Variants in COL22A1 observed in about 807,000 individuals in gnomAD.
COL22A1 encodes the protein collagen type XXII alpha 1 chain.
A neutral mutation model predicts 248.9 loss-of-function variants in COL22A1; 221 were observed. The observed-to-expected ratio is 0.89, with a 90% CI of 0.80 to 0.99. The LOEUF is 0.99. Ranked by LOEUF, COL22A1 falls within the 50% of genes least tolerant of loss-of-function variation. The pLI is 0.00. For missense variants in COL22A1, 2,240 were observed against 2,179.0 expected (o/e 1.03, Z -0.56); for synonymous variants, 891 against 793.4 (o/e 1.12, Z -2.07).
intron 12 of COL22A1, 56 bp downstream of exon 12, chr8:138,796,759 CCAAA>C: frequency 8.5e-7 from 1 of 1,176,534 alleles, no homozygotes; most frequent in Non-Finnish European, 1.3e-6. Flanking sequence ...CACACCTCCC[CCAAA>C]CCTAAGTCCT....
At chr8:138,623,443 A>G in intron 52 of COL22A1, among the ~76,000 whole-genome samples, 1 of 151,990 alleles carries the variant, frequency 6.6e-6, no homozygotes, top group East Asian at 1.9e-4. Context: ...TACAGGGGGC[A>G]GTAAACCAAA....
At chr8:138,630,015 G>T (rs992692428) in intron 50 of COL22A1, among the ~76,000 whole-genome samples, 17 of 152,154 alleles carry the variant, frequency 1.1e-4, no homozygotes, top group African/African-American at 2.9e-4. Context: ...GGGAGGAGCT[G>T]TCAGATGGAG....
At position 138,692,398 on chromosome 8, in the gene COL22A1, CAT is replaced by C. The variant is rs1355480411; in HGVS notation, c.2754+1246_2754+1247del. On this transcript the variant is annotated intron_variant, in intron 35 of 64. Transcript: ENST00000303045. ...GACATGTGTATTGTGCACGTATGTA[CAT>C]GTGTGTGTATGTGTGTGTGCACGTA... Among the ~76,000 whole-genome samples the C allele has an allele frequency of 1.9e-3, 251 of 134,654 alleles. 6 individuals are homozygous for C. The highest frequency in any genetic ancestry group is 6.7e-3 in the African/African-American group (234 of 34,836). 88.3% of individuals were successfully genotyped at this position (134,654 alleles called of 152,430 possible). A position where few individuals can be genotyped will look rare whatever the true frequency, so the allele number is the denominator to read the frequency against.
chr8:138,769,463 C>A (rs867628295), intron 16 of COL22A1, among the ~76,000 whole-genome samples: 3 of 152,162 alleles, frequency 2.0e-5, no homozygotes, highest in South Asian at 2.1e-4. Context: ...TGAGAGCCAC[C>A]CTGGCTGCCC....
chr8:138,879,837 T>TAAAACAAAACAAAACAAAACAAAAC (rs146542704), intron 2 of COL22A1, among the ~76,000 whole-genome samples: 7 of 149,928 alleles, frequency 4.7e-5, no homozygotes, highest in African/African-American at 1.7e-4. Flanking sequence ...CATTTGGCTA[T>TAAAACAAAACAAAACAAAACAAAAC]AAAACAAAAC....
rs746077831 is a variant in COL22A1, at chr8:138,589,368, G to A, written c.4766C>T (p.Pro1589Leu). The stretch of plus-strand genomic sequence containing the variant: ...TCCTGGGAGGCCAGGATGTCCAGCT[G>A]GTCCTGTCTCCCCTTGAGGGCCAGG... ...GIPGPQGETGPAGHPGLPGPP... is the reference protein window; with the variant it reads ...GIPGPQGETGLAGHPGLPGPP... Residue 1589 changes from proline (P) to leucine (L), a missense_variant, in exon 65 of 65, where the codon CCA becomes CTA. Pro to Leu is a moderately conservative substitution (Grantham distance 98). Transcript: ENST00000303045. The A allele has an allele frequency of 6.2e-7, 1 of 1,609,932 alleles. No individual in the cohort carries two copies. Among genetic ancestry groups the A allele is most frequent in the South Asian group, 1.1e-5 (1 of 90,634 alleles).
intron 2 of COL22A1, among the ~76,000 whole-genome samples, chr8:138,880,362 GTGTA>G: frequency 6.6e-6 from 1 of 152,206 alleles, no homozygotes; most frequent in East Asian, 1.9e-4. Context: ...ACGCGCGATT[GTGTA>G]TGTATGTATG....
intron 1 of COL22A1, among the ~76,000 whole-genome samples, chr8:138,892,341 C>T (rs888781733): frequency 6.6e-6 from 1 of 152,184 alleles, no homozygotes; most frequent in African/African-American, 2.4e-5. Context: ...TTTCCTCAAC[C>T]ATTAGAAAGG....
chr8:138,856,825 A>C (rs1822067057), intron 3 of COL22A1, among the ~76,000 whole-genome samples: 1 of 152,162 alleles, frequency 6.6e-6, no homozygotes, highest in African/African-American at 2.4e-5. Context: ...GCATACTGCC[A>C]GTGACACATT....
At chr8:138,648,051 A>C (rs920775973) in intron 46 of COL22A1, among the ~76,000 whole-genome samples, 4 of 152,256 alleles carry the variant, frequency 2.6e-5, no homozygotes, top group Non-Finnish European at 5.9e-5. Flanking sequence ...GTACATTCAA[A>C]CATGTTTATT....
intron 3 of COL22A1, among the ~76,000 whole-genome samples, chr8:138,877,310 T>G (rs911099453): frequency 6.6e-6 from 1 of 152,186 alleles, no homozygotes; most frequent in Non-Finnish European, 1.5e-5. Flanking sequence ...TCACTGCCCC[T>G]TCGGAGACCC....
chr8:138,679,654 C>CCT lies in COL22A1; in HGVS notation c.3033_3034dup (p.Gly1012GlufsTer96). 1.9e-6 allele frequency: 3 copies of CCT among 1,614,088 alleles called. No individual in the cohort carries two copies. Among genetic ancestry groups the CCT allele is most frequent in the Non-Finnish European group, 2.5e-6 (3 of 1,179,998 alleles). On this transcript the variant is annotated frameshift_variant, in exon 40 of 65. Transcript: ENST00000303045. LOFTEE classifies it high-confidence loss of function. ...CCCTCCCAGTGCACAGTTTTCTGACCCTCTGACTTTTCCGCAAGCAGCCTG... is the reference window on the plus strand; with the variant it reads ...CCCTCCCAGTGCACAGTTTTCTGACCCTCTCTGACTTTTCCGCAAGCAGCCTG...
chr8:138,680,773 C>T (rs1225471336), intron 39 of COL22A1, among the ~76,000 whole-genome samples: 1 of 152,214 alleles, frequency 6.6e-6, no homozygotes, highest in Non-Finnish European at 1.5e-5. Context: ...AATTTGTCTT[C>T]CCAATGCCAA....
chr8:138,876,200 A>G (rs1823705177), intron 3 of COL22A1, among the ~76,000 whole-genome samples: 3 of 152,136 alleles, frequency 2.0e-5, no homozygotes, highest in African/African-American at 7.2e-5. Flanking sequence ...ATCATGGTTC[A>G]TTGACCATGT....
chr8:138,693,575 A>G (rs2130926484), intron 35 of COL22A1, 71 bp downstream of exon 35: 2 of 1,464,982 alleles, frequency 1.4e-6, no homozygotes, highest in Non-Finnish European at 9.4e-7. Flanking sequence ...TGAGCCATAG[A>G]GCAGAGCAGA....
intron 23 of COL22A1, among the ~76,000 whole-genome samples, chr8:138,727,853 G>C (rs980187866): frequency 5.9e-5 from 9 of 152,094 alleles, no homozygotes; most frequent in African/African-American, 2.2e-4. Flanking sequence ...CCTAATGGAC[G>C]AGGGCTGCTG....
At chr8:138,811,970 C>A in intron 8 of COL22A1, 49 bp from the exon 9 acceptor site, 1 of 1,493,432 alleles carries the variant, frequency 6.7e-7, no homozygotes. Flanking sequence ...ACTCAGCAGG[C>A]ACTCCCTGGC....
intron 32 of COL22A1, among the ~76,000 whole-genome samples, chr8:138,695,519 G>C (rs1162585748): frequency 6.6e-6 from 1 of 152,030 alleles, no homozygotes; most frequent in Non-Finnish European, 1.5e-5. Context: ...TTTCTAGATA[G>C]AGAAGCTGGG....
intron 10 of COL22A1, among the ~76,000 whole-genome samples, chr8:138,805,179 G>GGT (rs375740091): frequency 0.053 from 7,274 of 137,436 alleles, 674 homozygotes; most frequent in African/African-American, 0.19. Context: ...GTGTGTGTGT[G>GGT]GTGTGTGTGT....
Sources: allele counts gnomAD v4.1 joint callset (sites outside exome capture counted in the v4.1 genomes callset), GRCh38; gene constraint gnomAD v4.1.1; transcripts MANE v1.5; gene names NCBI Gene and HGNC (gene_info 2026-07-23, HGNC 2026-07-21).